Variants in CBL observed in about 807,000 individuals in gnomAD.
CBL encodes Cbl proto-oncogene, also known as E3 ubiquitin-protein ligase CBL.
In CBL, 45 loss-of-function variants were observed where a neutral mutation model predicts 96.9. The ratio of observed to expected loss-of-function variants is 0.46; its 90% CI spans 0.37 to 0.60. CBL has a LOEUF of 0.60. Among genes scored for constraint, CBL ranks in the 20% least tolerant of loss-of-function variants. The pLI is 0.00. For missense variants in CBL, 1,024 were observed against 1,143.5 expected, an observed-to-expected ratio of 0.90 and a Z score of 1.51; for synonymous variants, 420 against 426.8, an observed-to-expected ratio of 0.98 and a Z score of 0.20.
In CBL at chr11:119,232,645, C is replaced by T. The variant is rs773502403; in HGVS notation, c.393C>T (p.Ser131=). 2 of 1,613,650 alleles carry T rather than the reference C, an allele frequency of 1.2e-6. No individual in the cohort carries two copies. The highest frequency in any genetic ancestry group is 1.7e-6 in the Non-Finnish European group (2 of 1,179,652). Residue 131 remains serine (S), a synonymous_variant, in exon 2 of 16, where the codon AGC becomes AGT. Coordinates refer to ENST00000264033, the MANE Select transcript of CBL (RefSeq NM_005188.4). The stretch of plus-strand genomic sequence containing the variant: ...TGAAGAAAACTAAGCAAACCATAAG[C>T]CTCTTCAAGGAGGGAAAAGAAAGAA... ...NLMKKTKQTI[S]LFKEGKERMY...
chr11:119,269,997 A>AAAAT (rs151010037), intron 2 of CBL, among the ~76,000 whole-genome samples: 4 of 151,594 alleles, frequency 2.6e-5, no homozygotes, highest in Admixed American at 1.3e-4. Flanking sequence ...ACTCCGTCTC[A>AAAAT]AAATAAATAA....
chr11:119,269,744 C>T (rs568680066), intron 2 of CBL, among the ~76,000 whole-genome samples: 2 of 152,120 alleles, frequency 1.3e-5, no homozygotes, highest in African/African-American at 4.8e-5. Flanking sequence ...GCTTGTAATC[C>T]CAGCACTTTG....
At chr11:119,238,060 C>CG (rs1412802369) in intron 2 of CBL, among the ~76,000 whole-genome samples, 1 of 150,920 alleles carries the variant, frequency 6.6e-6, no homozygotes, top group Non-Finnish European at 1.5e-5. Context: ...TCACTAGAGA[C>CG]GGGGTTTCAC....
chr11:119,262,855 T>C (rs1351403023), intron 2 of CBL, among the ~76,000 whole-genome samples: 1 of 152,158 alleles, frequency 6.6e-6, no homozygotes, highest in African/African-American at 2.4e-5. Flanking sequence ...GTTTGAGAAC[T>C]TTGAAGAATG....
intron 11 of CBL, among the ~76,000 whole-genome samples, chr11:119,285,869 C>T (rs1413417557): frequency 6.6e-6 from 1 of 151,196 alleles, no homozygotes; most frequent in South Asian, 2.1e-4. Flanking sequence ...GCACTCCAGC[C>T]TAGGCAATAG....
Position 119,219,694 on chromosome 11 carries a change from T to A in CBL, c.196-12754T>A, listed in dbSNP as rs558602328. Among the ~76,000 whole-genome samples, 246 of 151,714 alleles carry A rather than the reference T, an allele frequency of 1.6e-3. 1 individual carries two copies. Among genetic ancestry groups the A allele is most frequent in the African/African-American group, 5.6e-3 (230 of 41,392 alleles). ...AACCATTTTTGCCTTTTTTTTTTTT[T>A]TTATTTTGAGACAGAGTCTTACTCT... On this transcript the variant is annotated intron_variant, in intron 1 of 15. Transcript: ENST00000264033.
At chr11:119,272,811 T>C (rs1186687550) in intron 3 of CBL, among the ~76,000 whole-genome samples, 3 of 152,190 alleles carry the variant, frequency 2.0e-5, no homozygotes, top group Non-Finnish European at 2.9e-5. Context: ...TCTGTTATTA[T>C]AGGTTACTAG....
chr11:119,238,506 G>A (rs930400312), intron 2 of CBL, among the ~76,000 whole-genome samples: 14 of 151,460 alleles, frequency 9.2e-5, no homozygotes, highest in Non-Finnish European at 1.6e-4. Flanking sequence ...CACTGTGCCC[G>A]ACCCCTAAAT....
At chr11:119,281,317 C>T (rs1949931553) in intron 9 of CBL, among the ~76,000 whole-genome samples, 1 of 152,154 alleles carries the variant, frequency 6.6e-6, no homozygotes, top group African/African-American at 2.4e-5. Context: ...GAGAGATAAA[C>T]TTCTTGAGAT....
chr11:119,219,194 A>G (rs920516652), intron 1 of CBL, among the ~76,000 whole-genome samples: 1 of 152,112 alleles, frequency 6.6e-6, no homozygotes. Context: ...CCTGGCCAAC[A>G]TGGTGATACC....
At chr11:119,266,036 G>A (rs201220695) in intron 2 of CBL, among the ~76,000 whole-genome samples, 3,503 of 85,962 alleles carry the variant, frequency 0.041, 57 homozygotes, top group South Asian at 0.1. Flanking sequence ...AAAAAAAAAA[G>A]AAAGAAAGAA....
rs1429556180 is a variant in CBL at position 119,302,761 on chromosome 11, CTTTAG to C, written c.*2983_*2987del. The C allele has an allele frequency of 8.7e-6, 2 of 231,082 alleles. No individual in the cohort carries two copies. Among genetic ancestry groups the C allele is most frequent in the Non-Finnish European group, 1.7e-5 (2 of 116,782 alleles). 14.3% of individuals were successfully genotyped at this position (231,082 alleles called of 1,614,324 possible). Reference sequence around the variant, plus strand: ...ACCTGTGGGCTCTTCATATACCTCCCTTTAGTTAAGTAATAGACCAGGCAGCTTCT... The same window carrying C: ...ACCTGTGGGCTCTTCATATACCTCCCTTAAGTAATAGACCAGGCAGCTTCT... On this transcript the variant is annotated 3_prime_UTR_variant, in exon 16 of 16. Transcript: ENST00000264033.
Position 119,258,276 on chromosome 11 carries a change from TAAAG to T in CBL, c.444-13453_444-13450del, listed in dbSNP as rs550728213. Among the ~76,000 whole-genome samples the T allele has an allele frequency of 1.1e-4, 16 of 152,202 alleles. No individual in the cohort carries two copies. The South Asian group carries it at 3.3e-3, about 32-fold the overall frequency. ...CAAAAAGACTTGAGACTGTAATTTT[TAAAG>T]AAAGAGATTTAAGTGGCTCATGGTT... On this transcript the variant is annotated intron_variant, in intron 2 of 15. Transcript: ENST00000264033.
At chr11:119,241,295 G>T (rs986319613) in intron 2 of CBL, among the ~76,000 whole-genome samples, 1 of 152,106 alleles carries the variant, frequency 6.6e-6, no homozygotes, top group African/African-American at 2.4e-5. Flanking sequence ...TTTCATTTGT[G>T]TACAGGAAGT....
Position 119,297,370 on chromosome 11 carries a change from T to C in CBL, c.2154-14T>C, listed in dbSNP as rs1950071352. On this transcript the variant is annotated splice_polypyrimidine_tract_variant and intron_variant, in intron 13 of 15. Coordinates refer to ENST00000264033, the MANE Select transcript of CBL (RefSeq NM_005188.4). ...ATTTCCAAAGATCATTATGGCACTT[T>C]CCTTCTGGTTCAGAGCATGTGATTG... is the stretch of plus-strand genomic sequence containing the variant. 2 of 1,592,536 alleles carry C rather than the reference T, an allele frequency of 1.3e-6. No individual in the cohort carries two copies. Among genetic ancestry groups the C allele is most frequent in the Non-Finnish European group, 1.7e-6 (2 of 1,160,556 alleles).
intron 12 of CBL, among the ~76,000 whole-genome samples, chr11:119,294,772 A>G (rs568413545): frequency 1.3e-5 from 2 of 150,778 alleles, no homozygotes; most frequent in African/African-American, 4.9e-5. Context: ...GCCTGGTGCC[A>G]CAGTGAGACT....
At chr11:119,220,104 C>G (rs568916923) in intron 1 of CBL, among the ~76,000 whole-genome samples, 106 of 152,270 alleles carry the variant, frequency 7.0e-4, no homozygotes, top group African/African-American at 2.4e-3. Context: ...GATCCACCCA[C>G]CTTGGCCTCC....
At chr11:119,264,294 G>A (rs1246656134) in intron 2 of CBL, among the ~76,000 whole-genome samples, 1 of 152,098 alleles carries the variant, frequency 6.6e-6, no homozygotes, top group African/African-American at 2.4e-5. Context: ...CTGGCCTTCA[G>A]CCATCCTCCC....
At chr11:119,282,343 A>G (rs1949942540) in intron 9 of CBL, among the ~76,000 whole-genome samples, 1 of 152,110 alleles carries the variant, frequency 6.6e-6, no homozygotes, top group Non-Finnish European at 1.5e-5. Flanking sequence ...CATCTCAAAA[A>G]AAAAAAAAAA....
Sources: gnomAD v4.1 joint callset for allele counts (sites outside exome capture counted in the v4.1 genomes callset) on GRCh38, gnomAD v4.1.1 for gene constraint, MANE v1.5 for transcripts, NCBI Gene and HGNC (gene_info 2026-07-23, HGNC 2026-07-21) for gene names.